HTR2C: variants seen among roughly 807,000 people sequenced by gnomAD.
HTR2C encodes the protein 5-hydroxytryptamine receptor 2C, also known as 5-hydroxytryptamine (serotonin) receptor 2C, G protein-coupled.
HTR2C carries 5 observed loss-of-function variants against 21.0 expected under a neutral mutation model. The observed-to-expected ratio is 0.24, with a 90% CI of 0.12 to 0.50. The LOEUF (loss-of-function observed/expected upper bound fraction) is 0.50. Ranked by LOEUF, HTR2C falls within the 20% of genes least tolerant of loss-of-function variation. The pLI is 0.98. For missense variants in HTR2C, 271 were observed against 371.2 expected, an observed-to-expected ratio of 0.73 and a Z score of 2.22; for synonymous variants, 150 against 145.3, an observed-to-expected ratio of 1.03 and a Z score of -0.23.
chrX:114,786,156 TAA>T (rs1438966357), intron 4 of HTR2C, among the ~76,000 whole-genome samples: 2 of 111,760 alleles, frequency 1.8e-5, no homozygotes, highest in Middle Eastern at 4.7e-3. Flanking sequence ...TGGCAAAAAT[TAA>T]AAGTGTGACA....
chrX:114,599,965 A>C (rs1264418375), intron 1 of HTR2C, among the ~76,000 whole-genome samples: 1 of 111,576 alleles, frequency 9.0e-6, no homozygotes, highest in Non-Finnish European at 1.9e-5. Context: ...CCATCTAGTA[A>C]ATATAGAGCA....
At chrX:114,840,628 A>T (rs2070825536) in intron 4 of HTR2C, among the ~76,000 whole-genome samples, 1 of 111,576 alleles carries the variant, frequency 9.0e-6, no homozygotes, top group African/African-American at 3.3e-5. Context: ...AAGGACTGAA[A>T]AATTTTCAAA....
In HTR2C at chrX:114,881,277, A is replaced by C. The variant is rs782358126; in HGVS notation, c.551-25312A>C. The stretch of plus-strand genomic sequence containing the variant: ...GGATGAAAGACACATAATGATTTGA[A>C]ATTATTGTCTCCCATTATTTTAGTT... On this transcript the variant is annotated intron_variant, in intron 5 of 5. Transcript: ENST00000276198. Among the ~76,000 whole-genome samples the C allele has an allele frequency of 1.1e-3, 127 of 111,058 alleles. No homozygotes were observed. The Middle Eastern group carries it at 0.014, about 12-fold the overall frequency.
At chrX:114,702,582 A>G (rs1932571222) in intron 2 of HTR2C, among the ~76,000 whole-genome samples, 1 of 111,602 alleles carries the variant, frequency 9.0e-6, no homozygotes. Flanking sequence ...GAAAGGAACA[A>G]CCGGTACCAG....
At chrX:114,608,378 A>G (rs1268733584) in intron 1 of HTR2C, among the ~76,000 whole-genome samples, 1 of 110,957 alleles carries the variant, frequency 9.0e-6, no homozygotes, top group Non-Finnish European at 1.9e-5. Flanking sequence ...ATCACCCCCC[A>G]AAGTAATCCT....
At chrX:114,751,901 T>A (rs2069763322) in intron 4 of HTR2C, among the ~76,000 whole-genome samples, 1 of 111,749 alleles carries the variant, frequency 8.9e-6, no homozygotes, top group African/African-American at 3.3e-5. Context: ...TCTGCTATGG[T>A]AAGATTCTTA....
At chrX:114,757,419 TAATG>T (rs1439509931) in intron 4 of HTR2C, among the ~76,000 whole-genome samples, 4 of 111,657 alleles carry the variant, frequency 3.6e-5, no homozygotes, top group Non-Finnish European at 7.5e-5. Context: ...TTCAAAAACA[TAATG>T]AAACAAACAA....
At chrX:114,666,300 C>T (rs1449983337) in intron 2 of HTR2C, among the ~76,000 whole-genome samples, 1 of 111,952 alleles carries the variant, frequency 8.9e-6, no homozygotes, top group Non-Finnish European at 1.9e-5. Context: ...AGCTAACCAA[C>T]CTTCAGGGAT....
intron 4 of HTR2C, among the ~76,000 whole-genome samples, chrX:114,834,879 G>T (rs2070766002): frequency 9.2e-6 from 1 of 108,480 alleles, no homozygotes; most frequent in African/African-American, 3.4e-5. Context: ...CTTCCTTCAG[G>T]AGCTCTTTTA....
chrX:114,779,143 T>C (rs1305863102), intron 4 of HTR2C, among the ~76,000 whole-genome samples: 3 of 111,243 alleles, frequency 2.7e-5, no homozygotes, highest in South Asian at 3.9e-4. Context: ...TGAATTTAGC[T>C]CAGTACAGTA....
At chrX:114,661,207 C>T (rs1569482184) in intron 2 of HTR2C, among the ~76,000 whole-genome samples, 1 of 111,197 alleles carries the variant, frequency 9.0e-6, no homozygotes, top group East Asian at 2.9e-4. Flanking sequence ...GTAATCCCAG[C>T]ACTTTGGGAG....
intron 5 of HTR2C, among the ~76,000 whole-genome samples, chrX:114,894,005 G>C (rs1359115448): frequency 9.0e-6 from 1 of 111,253 alleles, no homozygotes; most frequent in Admixed American, 9.6e-5. Flanking sequence ...CACTAGAATG[G>C]CTAAAATTGA....
intron 4 of HTR2C, among the ~76,000 whole-genome samples, chrX:114,767,779 C>T (rs1556435715): frequency 9.5e-6 from 1 of 105,490 alleles, no homozygotes; most frequent in Non-Finnish European, 2.0e-5. Context: ...AAGTAAATTC[C>T]CTGTTGTTTG....
intron 2 of HTR2C, among the ~76,000 whole-genome samples, chrX:114,718,124 G>A (rs1364526394): frequency 9.0e-6 from 1 of 111,162 alleles, no homozygotes; most frequent in Non-Finnish European, 1.9e-5. Flanking sequence ...CTGACCTCAA[G>A]CCATCCTCCC....
intron 4 of HTR2C, among the ~76,000 whole-genome samples, chrX:114,768,459 T>G (rs2069967241): frequency 9.0e-6 from 1 of 111,314 alleles, no homozygotes; most frequent in Non-Finnish European, 1.9e-5. Flanking sequence ...GTAAATTATG[T>G]ATTTTCACGT....
chrX:114,720,165 C>T (rs1556420401), intron 2 of HTR2C, among the ~76,000 whole-genome samples: 1 of 110,788 alleles, frequency 9.0e-6, no homozygotes, highest in Admixed American at 9.7e-5. Context: ...CAGTATTGGC[C>T]TGACTAATGG....
At chrX:114,725,507 C>T (rs1602721764) in intron 2 of HTR2C, among the ~76,000 whole-genome samples, 1 of 112,236 alleles carries the variant, frequency 8.9e-6, no homozygotes, top group African/African-American at 3.2e-5. Context: ...GAGCCTTCTT[C>T]TCTCAGCTCG....
intron 2 of HTR2C, among the ~76,000 whole-genome samples, chrX:114,663,611 A>G (rs1329050350): frequency 4.5e-5 from 5 of 111,885 alleles, no homozygotes; most frequent in African/African-American, 1.3e-4. Context: ...TTGATTTTAT[A>G]TGATGCTAAG....
intron 5 of HTR2C, among the ~76,000 whole-genome samples, chrX:114,879,501 G>A (rs2071164163): frequency 9.2e-6 from 1 of 109,289 alleles, no homozygotes; most frequent in East Asian, 2.9e-4. Flanking sequence ...GTGGTATTTG[G>A]TTACATGAGT....
Sources: allele counts gnomAD v4.1 joint callset (sites outside exome capture counted in the v4.1 genomes callset), GRCh38; gene constraint gnomAD v4.1.1; transcripts MANE v1.5; gene names NCBI Gene and HGNC (gene_info 2026-07-23, HGNC 2026-07-21).